ENPP2: variants seen among roughly 807,000 people sequenced by gnomAD.
ENPP2 encodes the protein ectonucleotide pyrophosphatase/phosphodiesterase 2, also known as autotaxin.
In ENPP2, 51 loss-of-function variants were observed where a neutral mutation model predicts 120.2. The observed-to-expected ratio is 0.42, with a 90% CI of 0.34 to 0.54. ENPP2 has a LOEUF of 0.54. Ranked by LOEUF, ENPP2 falls within the 20% of genes least tolerant of loss-of-function variation. The probability of loss-of-function intolerance (pLI) is 0.04; values close to 1 mark genes in which losing one functional copy is unlikely to be tolerated. For synonymous variants in ENPP2, 365 were observed against 366.4 expected, an observed-to-expected ratio of 1.00 and a Z score of 0.04; for missense variants, 920 against 1,066.5, an observed-to-expected ratio of 0.86 and a Z score of 1.91.
At chr8:119,579,384 G>T (rs146479531) in intron 19 of ENPP2, among the ~76,000 whole-genome samples, 1 of 152,288 alleles carries the variant, frequency 6.6e-6, no homozygotes, top group East Asian at 1.9e-4. Context: ...GAAGCATTAA[G>T]ACACAGTGCA....
At chr8:119,598,161 G>A (rs1814037146) in intron 11 of ENPP2, among the ~76,000 whole-genome samples, 1 of 152,092 alleles carries the variant, frequency 6.6e-6, no homozygotes, top group Admixed American at 6.6e-5. Flanking sequence ...TGTTTTAAAA[G>A]CATAAACTAT....
intron 1 of ENPP2, among the ~76,000 whole-genome samples, chr8:119,669,640 C>T (rs1040248593): frequency 2.0e-5 from 3 of 152,162 alleles, no homozygotes; most frequent in Non-Finnish European, 4.4e-5. Context: ...TTAGAGATTC[C>T]TAACTGGAGG....
At chr8:119,617,333 C>A in intron 6 of ENPP2, 90 bp from the exon 7 acceptor site, 2 of 1,180,838 alleles carry the variant, frequency 1.7e-6, no homozygotes, top group Non-Finnish European at 2.5e-6. Context: ...ACATGTGTTA[C>A]CTTCACTTCT....
chr8:119,595,759 C>A, intron 11 of ENPP2: 1 of 1,329,982 alleles, frequency 7.5e-7, no homozygotes. Context: ...CTAAAACTTG[C>A]TCAGCCGATT....
At chr8:119,648,888 A>G (rs1248436510) in intron 1 of ENPP2, among the ~76,000 whole-genome samples, 2 of 152,212 alleles carry the variant, frequency 1.3e-5, no homozygotes, top group Non-Finnish European at 2.9e-5. Context: ...AATTAGGCAA[A>G]TAAGTAAATA....
intron 1 of ENPP2, among the ~76,000 whole-genome samples, chr8:119,654,252 ATATC>A (rs1817705678): frequency 7.5e-6 from 1 of 133,948 alleles, no homozygotes; most frequent in South Asian, 2.3e-4. Context: ...CTATATATCT[ATATC>A]TATATTATAT....
intron 17 of ENPP2, 48 bp from the exon 18 acceptor site, chr8:119,582,650 AT>A: frequency 7.4e-7 from 1 of 1,344,196 alleles, no homozygotes; most frequent in African/African-American, 1.5e-5. Context: ...TATTTTTTTG[AT>A]GAGATATGGT....
intron 1 of ENPP2, among the ~76,000 whole-genome samples, chr8:119,644,272 T>C (rs1817365519): frequency 6.6e-6 from 1 of 151,894 alleles, no homozygotes; most frequent in Non-Finnish European, 1.5e-5. Flanking sequence ...CAAAAGATCA[T>C]GACAGCTTAC....
chr8:119,581,438 C>T (rs1294091699), intron 18 of ENPP2, among the ~76,000 whole-genome samples: 2 of 152,012 alleles, frequency 1.3e-5, no homozygotes, highest in African/African-American at 4.8e-5. Flanking sequence ...CCCTGTTGGG[C>T]TCTACCAAGG....
chr8:119,592,473 CAAAAAAAAAAAA>C (rs61330053), intron 12 of ENPP2, among the ~76,000 whole-genome samples: 1 of 54,934 alleles, frequency 1.8e-5, no homozygotes, highest in Non-Finnish European at 3.4e-5. Flanking sequence ...AACTCCACCT[CAAAAAAAAAAAA>C]AAAAAAAAAA....
chr8:119,573,939 G>T (rs1446974478), intron 19 of ENPP2, among the ~76,000 whole-genome samples: 1 of 151,966 alleles, frequency 6.6e-6, no homozygotes. Context: ...TTATTACTGA[G>T]CAAAAATAGC....
chr8:119,595,072 C>T (rs1813792844), intron 11 of ENPP2, among the ~76,000 whole-genome samples: 1 of 152,174 alleles, frequency 6.6e-6, no homozygotes, highest in Non-Finnish European at 1.5e-5. Flanking sequence ...GTGGTATTTG[C>T]TTCTGAGAAA....
At chr8:119,632,049 T>G (rs17195493) in intron 2 of ENPP2, among the ~76,000 whole-genome samples, 11,764 of 152,220 alleles carry the variant, frequency 0.077, 601 homozygotes, top group Non-Finnish European at 0.11. Context: ...GCATTTGAAG[T>G]TTTTAGGACT....
chr8:119,630,092 T>A (rs1941769215), intron 2 of ENPP2, among the ~76,000 whole-genome samples: 1 of 152,060 alleles, frequency 6.6e-6, no homozygotes, highest in African/African-American at 2.4e-5. Flanking sequence ...TCCTTCATCA[T>A]CATTTCTTCC....
upstream of ENPP2, among the ~76,000 whole-genome samples, chr8:119,640,903 C>T (rs147398839): frequency 3.8e-3 from 573 of 152,098 alleles, 1 homozygote; most frequent in African/African-American, 0.013. Flanking sequence ...CATGCCAACA[C>T]GCCTGGCTAA....
At chr8:119,597,327 ACT>A (rs1003319300) in intron 11 of ENPP2, among the ~76,000 whole-genome samples, 2 of 152,152 alleles carry the variant, frequency 1.3e-5, no homozygotes, top group Admixed American at 6.5e-5. Context: ...GGCCCATCAA[ACT>A]CTATGCCATT....
At chr8:119,606,143 G>A (rs1020488721) in intron 9 of ENPP2, among the ~76,000 whole-genome samples, 1 of 152,050 alleles carries the variant, frequency 6.6e-6, no homozygotes, top group Non-Finnish European at 1.5e-5. Flanking sequence ...CTAACTGAAA[G>A]TGTGATCCTA....
At position 119,557,175 on chromosome 8, in the gene ENPP2, C is replaced by T. The variant is rs1446505621; in HGVS notation, c.*346G>A. 3 of 169,822 alleles carry T rather than the reference C, an allele frequency of 1.8e-5. No homozygotes were observed. In the Admixed American group the frequency reaches 1.8e-4, roughly 10 times the overall value. 10.5% of individuals were successfully genotyped at this position (169,822 alleles called of 1,614,324 possible). A position where few individuals can be genotyped will look rare whatever the true frequency, so the allele number is the denominator to read the frequency against. Reference sequence around the variant, plus strand: ...GTTAACAGTTAACAGCAAATAAAGGCAACTTTACAAAATCAGTGTTTCCAT... The same window carrying T: ...GTTAACAGTTAACAGCAAATAAAGGTAACTTTACAAAATCAGTGTTTCCAT... On this transcript the variant is annotated 3_prime_UTR_variant, in exon 25 of 25. Transcript: ENST00000075322.
At chr8:119,601,356 T>C (rs1309938150) in intron 10 of ENPP2, 41 bp downstream of exon 10, 1 of 1,324,500 alleles carries the variant, frequency 7.6e-7, no homozygotes, top group Non-Finnish European at 1.1e-6. Flanking sequence ...TAAACTAAGA[T>C]AGAAATGTAC....
Sources: allele counts gnomAD v4.1 joint callset (sites outside exome capture counted in the v4.1 genomes callset), GRCh38; gene constraint gnomAD v4.1.1; transcripts MANE v1.5; gene names NCBI Gene and HGNC (gene_info 2026-07-23, HGNC 2026-07-21).